The following CNTN5 variants were observed in gnomAD, a reference collection of about 807,000 sequenced individuals.
The protein encoded by CNTN5 is contactin-5.
Under a neutral mutation model 129.1 loss-of-function variants are expected in CNTN5, and 77 were observed. The observed-to-expected ratio is 0.60, with a 90% CI of 0.50 to 0.72. The LOEUF (loss-of-function observed/expected upper bound fraction) is 0.72. Ranked by LOEUF, CNTN5 falls within the 30% of genes least tolerant of loss-of-function variation. The probability of loss-of-function intolerance (pLI) is 0.00; values close to 1 mark genes in which losing one functional copy is unlikely to be tolerated. For synonymous variants in CNTN5, 509 were observed against 465.6 expected (o/e 1.09, Z -1.20); for missense variants, 1,478 against 1,328.8 (o/e 1.11, Z -1.75).
At chr11:99,071,392 A>G (rs1865335230) in intron 1 of CNTN5, among the ~76,000 whole-genome samples, 1 of 152,124 alleles carries the variant, frequency 6.6e-6, no homozygotes, top group Non-Finnish European at 1.5e-5. Flanking sequence ...TAAACTAAAA[A>G]TGTCAAAAGA....
intron 1 of CNTN5, among the ~76,000 whole-genome samples, chr11:99,254,424 A>G (rs1862273530): frequency 6.6e-6 from 1 of 152,058 alleles, no homozygotes; most frequent in Non-Finnish European, 1.5e-5. Context: ...TGAGAAAAGT[A>G]GTCATTTTGT....
intron 3 of CNTN5, among the ~76,000 whole-genome samples, chr11:99,701,921 T>A (rs1304248896): frequency 2.0e-5 from 3 of 151,022 alleles, no homozygotes; most frequent in African/African-American, 7.3e-5. Flanking sequence ...TACAGTTATG[T>A]CTGATTCTAC....
chr11:99,901,116 A>T (rs748786859), intron 6 of CNTN5, among the ~76,000 whole-genome samples: 9 of 152,204 alleles, frequency 5.9e-5, no homozygotes, highest in Non-Finnish European at 1.2e-4. Context: ...ATTAAAACAC[A>T]CATATATAAA....
intron 2 of CNTN5, among the ~76,000 whole-genome samples, chr11:99,471,389 A>AT (rs1945167090): frequency 6.6e-6 from 1 of 151,952 alleles, no homozygotes; most frequent in East Asian, 1.9e-4. Flanking sequence ...TCTGGATCAT[A>AT]TTTTCACCTC....
chr11:99,204,174 G>C (rs370079235), intron 1 of CNTN5, among the ~76,000 whole-genome samples: 1 of 152,104 alleles, frequency 6.6e-6, no homozygotes, highest in Non-Finnish European at 1.5e-5. Context: ...AAAGGTAATC[G>C]TTAATTCTCT....
intron 1 of CNTN5, among the ~76,000 whole-genome samples, chr11:99,156,050 A>T (rs1477367771): frequency 6.6e-6 from 1 of 152,092 alleles, no homozygotes; most frequent in Non-Finnish European, 1.5e-5. Context: ...ATAACCAAAA[A>T]ACAACCCCAA....
rs942715529 is a variant in CNTN5 at position 99,881,636 on chromosome 11, A to G, written c.578-34418A>G. 7.2e-5 allele frequency among the ~76,000 whole-genome samples: 11 copies of G among 152,246 alleles called. No individual in the cohort carries two copies. The East Asian group carries it at 1.9e-3, about 27-fold the overall frequency. On this transcript the variant is annotated intron_variant, in intron 6 of 24. Coordinates refer to ENST00000524871, the MANE Select transcript of CNTN5 (RefSeq NM_014361.4). ...AGTATATAGTGATAACAATGTTGTTATTTTTAAAATAAAATAAAGGGGGGG... is the reference window on the plus strand; with the variant it reads ...AGTATATAGTGATAACAATGTTGTTGTTTTTAAAATAAAATAAAGGGGGGG...
chr11:99,707,466 A>G (rs932399326), intron 3 of CNTN5, among the ~76,000 whole-genome samples: 4 of 151,724 alleles, frequency 2.6e-5, no homozygotes, highest in Non-Finnish European at 5.9e-5. Context: ...TAGCCTACAC[A>G]TTTACTTGTG....
intron 1 of CNTN5, among the ~76,000 whole-genome samples, chr11:99,168,344 G>A (rs932582508): frequency 2.0e-5 from 3 of 152,054 alleles, no homozygotes; most frequent in Non-Finnish European, 2.9e-5. Context: ...CCGGGGGGGT[G>A]GGGGGACGGC....
At chr11:99,522,997 T>C (rs74997672) in intron 2 of CNTN5, among the ~76,000 whole-genome samples, 4,793 of 152,334 alleles carry the variant, frequency 0.031, 94 homozygotes, top group Middle Eastern at 0.096. Context: ...TACTTACTTA[T>C]GTTCTGGCAC....
chr11:99,654,034 G>A lies in CNTN5; in HGVS notation c.55+97765G>A, dbSNP rs79155883. 7.0e-3 allele frequency among the ~76,000 whole-genome samples: 1,065 copies of A among 151,762 alleles called. 71 individuals carry two copies. In the East Asian group the frequency reaches 0.17, roughly 24 times the overall value. ...AGTACAAAACAAAATCAAAAAAGCC[G>A]TTAATGAATATTTTTACCCTTCAGT... On this transcript the variant is annotated intron_variant, in intron 3 of 24. Coordinates refer to ENST00000524871, the MANE Select transcript of CNTN5 (RefSeq NM_014361.4).
intron 2 of CNTN5, among the ~76,000 whole-genome samples, chr11:99,467,071 A>G (rs1006597927): frequency 6.6e-6 from 1 of 152,160 alleles, no homozygotes; most frequent in Non-Finnish European, 1.5e-5. Flanking sequence ...TAATACTTTG[A>G]CTATAGAATT....
chr11:99,416,535 C>T (rs1330901109), intron 2 of CNTN5, among the ~76,000 whole-genome samples: 1 of 152,118 alleles, frequency 6.6e-6, no homozygotes, highest in Non-Finnish European at 1.5e-5. Context: ...AAACCTCCTG[C>T]TTAATCTCCC....
intron 2 of CNTN5, among the ~76,000 whole-genome samples, chr11:99,408,482 G>GAAAT: frequency 6.8e-6 from 1 of 147,154 alleles, no homozygotes; most frequent in East Asian, 2.1e-4. Context: ...AAGAAAGAAA[G>GAAAT]AAAGAAAGAA....
At chr11:99,240,556 C>T (rs1861495050) in intron 1 of CNTN5, among the ~76,000 whole-genome samples, 1 of 152,096 alleles carries the variant, frequency 6.6e-6, no homozygotes, top group Non-Finnish European at 1.5e-5. Context: ...GCCTCTTCCT[C>T]CTCTCTCTCC....
intron 1 of CNTN5, among the ~76,000 whole-genome samples, chr11:99,205,445 AG>A (rs1251514500): frequency 2.6e-5 from 4 of 152,112 alleles, no homozygotes; most frequent in African/African-American, 7.2e-5. Context: ...TAGCAATACC[AG>A]GAAGTAATTC....
chr11:99,424,287 C>T (rs1277185262), intron 2 of CNTN5, among the ~76,000 whole-genome samples: 1 of 152,184 alleles, frequency 6.6e-6, no homozygotes, highest in Non-Finnish European at 1.5e-5. Context: ...CTACAAGTGA[C>T]TAATGGGTGG....
chr11:99,360,149 C>T (rs954680943), intron 2 of CNTN5, among the ~76,000 whole-genome samples: 1 of 152,196 alleles, frequency 6.6e-6, no homozygotes, highest in Non-Finnish European at 1.5e-5. Flanking sequence ...CCATGGCCCA[C>T]CTTCCAGACA....
At chr11:99,361,063 T>TA (rs1423230286) in intron 2 of CNTN5, among the ~76,000 whole-genome samples, 3 of 152,160 alleles carry the variant, frequency 2.0e-5, no homozygotes, top group African/African-American at 4.8e-5. Context: ...TGCCACTTCA[T>TA]AAAAAGGATC....
Sources: allele counts gnomAD v4.1 joint callset (sites outside exome capture counted in the v4.1 genomes callset), GRCh38; gene constraint gnomAD v4.1.1; transcripts MANE v1.5; gene names NCBI Gene and HGNC (gene_info 2026-07-23, HGNC 2026-07-21).